Variants in HECTD4 observed in about 807,000 individuals in gnomAD.
HECTD4 encodes the protein probable E3 ubiquitin-protein ligase HECTD4.
HECTD4 carries 114 observed loss-of-function variants against 471.5 expected under a neutral mutation model. The ratio of observed to expected loss-of-function variants is 0.24; its 90% CI spans 0.21 to 0.28. The LOEUF is 0.28. Ranked by LOEUF, HECTD4 falls within the 10% of genes least tolerant of loss-of-function variation. HECTD4 has a pLI of 1.00. For synonymous variants in HECTD4, 2,012 were observed against 2,256.0 expected, an observed-to-expected ratio of 0.89 and a Z score of 3.07; for missense variants, 3,866 against 5,651.5, an observed-to-expected ratio of 0.68 and a Z score of 10.13.
intron 25 of HECTD4, among the ~76,000 whole-genome samples, chr12:112,248,831 T>C (rs1445839514): frequency 6.6e-6 from 1 of 152,200 alleles, no homozygotes; most frequent in East Asian, 1.9e-4. Context: ...GCGATTCTCC[T>C]GACTTGGCCT....
Position 112,279,310 on chromosome 12 carries a change from C to T in HECTD4, c.1605G>A (p.Met535Ile), listed in dbSNP as rs1288786900. The part of the protein sequence containing the change: ...PIYTCGTYLV[M>I]LVPPPGGSGS... ...CTGATCCCCCTGGAGGAGGCACCAG[C>T]ATCACCAAGTAGGTGCCACAGGTAT... The change falls in exon 9 of 76, where the codon ATG becomes ATA. Residue 535 changes from methionine to isoleucine, a missense_variant. Around this residue, in one of 16 missense-constraint regions of HECTD4, gnomAD observed 525 missense variants for 672.6 expected, o/e 0.78. Transcript: ENST00000682272. 6.2e-7 allele frequency: 1 copy of T among 1,613,312 alleles called. No homozygotes were observed. Among genetic ancestry groups the T allele is most frequent in the East Asian group, 2.2e-5 (1 of 44,818 alleles).
chr12:112,334,715 CAGG>C (rs1048454778), intron 1 of HECTD4, among the ~76,000 whole-genome samples: 2 of 143,308 alleles, frequency 1.4e-5, no homozygotes, highest in African/African-American at 2.6e-5. Flanking sequence ...GAGGCTGAGG[CAGG>C]AGAATTGCTT....
chr12:112,278,709 A>G (rs2135634313), intron 9 of HECTD4, among the ~76,000 whole-genome samples: 1 of 152,364 alleles, frequency 6.6e-6, no homozygotes, highest in South Asian at 2.1e-4. Flanking sequence ...ACTGGCCAAC[A>G]TGGCGAAACG....
At chr12:112,339,235 T>G (rs562440780) in intron 1 of HECTD4, among the ~76,000 whole-genome samples, 3 of 151,660 alleles carry the variant, frequency 2.0e-5, no homozygotes, top group East Asian at 3.9e-4. Context: ...TAATCCAAAA[T>G]TATGCAGCAG....
chr12:112,303,109 C>T (rs947218701), intron 7 of HECTD4, among the ~76,000 whole-genome samples: 10 of 152,072 alleles, frequency 6.6e-5, no homozygotes, highest in Middle Eastern at 3.4e-3. Flanking sequence ...CCTAGATGAC[C>T]CCAACATCAG....
At chr12:112,315,033 C>CT (rs1480979497) in intron 2 of HECTD4, among the ~76,000 whole-genome samples, 2 of 152,176 alleles carry the variant, frequency 1.3e-5, no homozygotes, top group Non-Finnish European at 2.9e-5. Context: ...ATGCTCTGTG[C>CT]TGAGAGATGC....
At position 112,190,957 on chromosome 12, in the gene HECTD4, G is replaced by T; in HGVS notation, c.9301C>A (p.Pro3101Thr). The change falls in exon 60 of 76, where the codon CCA becomes ACA. Residue 3101 changes from proline (P) to threonine (T), a missense_variant. By Grantham distance (38) the Pro-to-Thr change is conservative. Transcript: ENST00000682272. ...AACACCAGGACTGCTCCAGGAGGTG[G>T]AGACACCCCTGCAAGAAGCACCCAG... The part of the protein sequence containing the change: ...DRVHIKLGVS[P>T]PPGAVLVLHS... The T allele has an allele frequency of 6.4e-7, 1 of 1,558,080 alleles. No homozygotes were observed. Among genetic ancestry groups the T allele is most frequent in the East Asian group, 2.4e-5 (1 of 41,612 alleles).
rs1442830930 is a variant in HECTD4, at chr12:112,283,300, A to C, written c.1338T>G (p.Val446=). Residue 446 remains valine (V), a splice_region_variant and synonymous_variant, in exon 8 of 76, where the codon GTT becomes GTG. Transcript: ENST00000682272. Reference sequence around the variant, plus strand: ...GGTTGGCTACAAATACACCATTTTCAACCTAACATAGAAAAAAAGGAGGTC... The same window carrying C: ...GGTTGGCTACAAATACACCATTTTCCACCTAACATAGAAAAAAAGGAGGTC... ...SVFMDIFELV[V]ENGVFVANPL... is the part of the protein sequence containing the mutation. The C allele has an allele frequency of 6.2e-7, 1 of 1,601,652 alleles. No homozygotes were observed. Among genetic ancestry groups the C allele is most frequent in the East Asian group, 2.2e-5 (1 of 44,680 alleles).
At chr12:112,224,101 C>T (rs1436506902) in intron 44 of HECTD4, among the ~76,000 whole-genome samples, 7 of 152,060 alleles carry the variant, frequency 4.6e-5, no homozygotes, top group Admixed American at 4.6e-4. Flanking sequence ...TAGTCTATGC[C>T]TCCCTTGTAG....
At chr12:112,269,896 G>A in intron 12 of HECTD4, 47 bp from the exon 13 acceptor site, 1 of 1,523,478 alleles carries the variant, frequency 6.6e-7, no homozygotes, top group Non-Finnish European at 9.1e-7. Context: ...TTCTACTGGG[G>A]ATAAAATTAT....
rs748178023 is a variant in HECTD4, at chr12:112,228,150, T to C, written c.6793A>G (p.Thr2265Ala). Residue 2265 changes from threonine to alanine, a missense_variant, in exon 43 of 76, where the codon ACA becomes GCA. By Grantham distance (58) the Thr-to-Ala change is moderately conservative. This residue lies in a region of HECTD4 where 617 missense variants were observed against 915.1 expected (regional missense o/e 0.67). Transcript: ENST00000682272. This position sits in a 1 kb window ranked among gnomAD's most constrained non-coding sequence, Gnocchi z 4.9. ...SLSIHTSLPA[T>A]GDGSAPVMAV... Reference sequence around the variant, plus strand: ...ATCACAGGAGCTGACCCATCTCCTGTTGCAGGAAGTGAGGTGTGAATAGAG... The same window carrying C: ...ATCACAGGAGCTGACCCATCTCCTGCTGCAGGAAGTGAGGTGTGAATAGAG... 4.3e-6 allele frequency: 7 copies of C among 1,613,742 alleles called. No homozygotes were observed. The highest frequency in any genetic ancestry group is 1.3e-5 in the African/African-American group (1 of 74,900).
rs1018405682 is a variant in HECTD4, at chr12:112,163,665, G to A, written c.12774C>T (p.Cys4258=). 21 of 1,536,262 alleles carry A rather than the reference G, an allele frequency of 1.4e-5. No homozygotes were observed. In the Admixed American group the frequency reaches 1.6e-4, roughly 12 times the overall value. The change falls in exon 74 of 76, where the codon TGC becomes TGT. Residue 4258 remains cysteine (C), a synonymous_variant. Transcript: ENST00000682272. This position sits in a 1 kb window ranked among gnomAD's most constrained non-coding sequence, Gnocchi z 8.2. ...LRLRELQNVE[C]VTAVRAGLGS... is the part of the protein sequence containing the mutation. ...CCAGGCCGGCCCGCACGGCCGTCAC[G>A]CACTCCACATTCTGCAGCTCCCGCA...
intron 1 of HECTD4, among the ~76,000 whole-genome samples, chr12:112,320,272 CT>C (rs2035557473): frequency 6.6e-6 from 1 of 152,006 alleles, no homozygotes; most frequent in Admixed American, 6.6e-5. Context: ...GAAGTAGAGG[CT>C]GCAGTAAGCC....
intron 1 of HECTD4, among the ~76,000 whole-genome samples, chr12:112,336,039 T>C (rs1034245512): frequency 3.3e-5 from 5 of 150,904 alleles, no homozygotes; most frequent in African/African-American, 1.2e-4. Context: ...ACCTGAGTGG[T>C]ACCAAATCAC....
intron 28 of HECTD4, 150 bp downstream of exon 28, chr12:112,247,312 A>G (rs1019349032): frequency 1.5e-6 from 1 of 667,426 alleles, no homozygotes; most frequent in African/African-American, 1.9e-5. Flanking sequence ...GGCTAAAACC[A>G]AAATTTCCAA....
chr12:112,261,465 T>A, intron 17 of HECTD4, 36 bp from the exon 18 acceptor site: 1 of 1,570,192 alleles, frequency 6.4e-7, no homozygotes. Flanking sequence ...TTTTTAAGCT[T>A]TGTGATGAAC....
chr12:112,162,892 G>T lies in HECTD4; in HGVS notation c.13120+150C>A. On this transcript the variant is annotated intron_variant, in intron 75 of 75. Coordinates refer to ENST00000682272, the MANE Select transcript of HECTD4 (RefSeq NM_001388303.1). The surrounding 1 kb of genome is among the most constrained non-coding windows in gnomAD (Gnocchi z 5.2). Reference sequence around the variant, plus strand: ...CAGCAGGCCTGTATGGCTGGTTCCTGCCGGGCCCTAATCCTCAATGATGTC... The same window carrying T: ...CAGCAGGCCTGTATGGCTGGTTCCTTCCGGGCCCTAATCCTCAATGATGTC... The T allele has an allele frequency of 1.5e-6, 1 of 653,904 alleles. No homozygotes were observed. Among genetic ancestry groups the T allele is most frequent in the Non-Finnish European group, 2.7e-6 (1 of 376,582 alleles). 40.5% of individuals were successfully genotyped at this position (653,904 alleles called of 1,614,324 possible).
intron 1 of HECTD4, among the ~76,000 whole-genome samples, chr12:112,335,510 G>A (rs997163444): frequency 1.3e-5 from 2 of 152,068 alleles, no homozygotes; most frequent in African/African-American, 4.8e-5. Context: ...GGCCAACATG[G>A]TGAAACCCTG....
intron 1 of HECTD4, among the ~76,000 whole-genome samples, chr12:112,379,486 G>A (rs141753528): frequency 1.3e-5 from 2 of 152,328 alleles, no homozygotes; most frequent in Non-Finnish European, 2.9e-5. Context: ...CTGAGGTCAG[G>A]AGTTCGAGAC....
Sources: gnomAD v4.1 joint callset for allele counts (sites outside exome capture counted in the v4.1 genomes callset) on GRCh38, gnomAD v4.1.1 for gene constraint, gnomAD v4.1.1 regional missense constraint, Gnocchi (gnomAD v3.1) non-coding constraint, MANE v1.5 for transcripts, NCBI Gene and HGNC (gene_info 2026-07-23, HGNC 2026-07-21) for gene names.